Variants in TRAF5 observed in about 807,000 individuals in gnomAD.
TRAF5 encodes TNF receptor-associated factor 5.
TRAF5 carries 48 observed loss-of-function variants against 64.5 expected under a neutral mutation model. That is an observed-to-expected ratio of 0.74 (90% CI 0.59 to 0.95). TRAF5 has a LOEUF of 0.95. Among genes scored for constraint, TRAF5 ranks in the 40% least tolerant of loss-of-function variants. The pLI, the probability that TRAF5 is intolerant of heterozygous loss-of-function variation, is 0.00. For missense variants in TRAF5, 545 were observed against 662.8 expected (o/e 0.82, Z 1.95); for synonymous variants, 206 against 240.5 (o/e 0.86, Z 1.33).
chr1:211,331,971 A>G (rs574902389), intron 1 of TRAF5, among the ~76,000 whole-genome samples: 7 of 152,170 alleles, frequency 4.6e-5, no homozygotes, highest in African/African-American at 7.2e-5. Context: ...CTGGGCGAGT[A>G]GACCATCATT....
rs377497907 is a variant in TRAF5 at position 211,353,286 on chromosome 1, G to T, written c.47G>T (p.Arg16Leu). The part of the protein sequence containing the change: ...EHKGMPCGFI[R>L]QNSGNSISLD... ...AAAGGTATGCCCTGTGGTTTCATCC[G>T]CCAGAATTCCGGCAACTCCATTTCC... Residue 16 changes from arginine (R) to leucine (L), a missense_variant, in exon 2 of 11, where the codon CGC (arginine) becomes CTC (leucine). By Grantham distance (102) the Arg-to-Leu change is moderately radical (BLOSUM62 -2). Coordinates refer to ENST00000261464, the MANE Select transcript of TRAF5 (RefSeq NM_001033910.3). 3 of 1,614,092 alleles carry T rather than the reference G, an allele frequency of 1.9e-6. No individual in the cohort carries two copies. Among genetic ancestry groups the T allele is most frequent in the East Asian group, 2.2e-5 (1 of 44,900 alleles).
intron 4 of TRAF5, chr1:211,358,856 T>A (rs1703076770): frequency 6.7e-6 from 1 of 148,344 alleles, no homozygotes; most frequent in Non-Finnish European, 1.5e-5. Context: ...ATATTGTTTA[T>A]AATAAATACA....
At chr1:211,337,436 G>A (rs901769196) in intron 1 of TRAF5, among the ~76,000 whole-genome samples, 1 of 152,210 alleles carries the variant, frequency 6.6e-6, no homozygotes, top group African/African-American at 2.4e-5. Context: ...CACAGAGAAT[G>A]GAGAGGCAGA....
chr1:211,359,826 C>T (rs1703113935), intron 4 of TRAF5, 86 bp from the exon 5 acceptor site: 3 of 1,516,668 alleles, frequency 2.0e-6, no homozygotes, highest in African/African-American at 1.4e-5. Context: ...CCACCCTGTT[C>T]TCTCTCCCTC....
In TRAF5 at chr1:211,372,581, C is replaced by T. The variant is rs1253342033; in HGVS notation, c.1553C>T (p.Ala518Val). ...AGACCTGATGGGGAGATGAACATTG[C>T]ATCTGGCTGTCCCCGCTTTGTGGCT... is the stretch of plus-strand genomic sequence containing the variant. ...FKRPDGEMNIASGCPRFVAHS... is the reference protein window; with the variant it reads ...FKRPDGEMNIVSGCPRFVAHS... The change falls in exon 11 of 11, where the codon GCA becomes GTA. Residue 518 changes from alanine (A) to valine (V), a missense_variant. Ala to Val is a moderately conservative substitution (Grantham distance 64, BLOSUM62 0). Transcript: ENST00000261464. The T allele has an allele frequency of 1.2e-6, 2 of 1,614,174 alleles. No individual in the cohort carries two copies. Among genetic ancestry groups the T allele is most frequent in the South Asian group, 2.2e-5 (2 of 91,086 alleles).
intron 1 of TRAF5, among the ~76,000 whole-genome samples, chr1:211,349,696 A>G (rs1702724020): frequency 6.6e-6 from 1 of 152,218 alleles, no homozygotes; most frequent in African/African-American, 2.4e-5. Flanking sequence ...CACACAGATG[A>G]GTGCCATAGA....
chr1:211,357,500 C>T (rs1208239181), intron 4 of TRAF5: 1 of 152,134 alleles, frequency 6.6e-6, no homozygotes, highest in Non-Finnish European at 1.5e-5. Flanking sequence ...GACCATTGAA[C>T]AGCTTTAGTG....
chr1:211,354,741 T>C (rs535013612), intron 3 of TRAF5, among the ~76,000 whole-genome samples: 2 of 152,270 alleles, frequency 1.3e-5, no homozygotes, highest in South Asian at 4.1e-4. Context: ...TATATTTCAT[T>C]ATGGTTTTGA....
chr1:211,363,338 C>G (rs1035404921), intron 7 of TRAF5, among the ~76,000 whole-genome samples: 1 of 152,058 alleles, frequency 6.6e-6, no homozygotes, highest in Admixed American at 6.6e-5. Context: ...ATTAAAACAC[C>G]AACTATATAA....
Position 211,369,456 on chromosome 1 carries a change from C to T in TRAF5, c.794C>T (p.Ser265Phe). 6.3e-7 allele frequency: 1 copy of T among 1,577,184 alleles called. No homozygotes were observed. The highest frequency in any genetic ancestry group is 8.6e-7 in the Non-Finnish European group (1 of 1,168,258). Residue 265 changes from serine to phenylalanine, a missense_variant, in exon 9 of 11, where the codon TCT becomes TTT. Coordinates refer to ENST00000261464, the MANE Select transcript of TRAF5 (RefSeq NM_001033910.3). ...EKNVQLEEQISDLHKSLEQKE... is the reference protein window; with the variant it reads ...EKNVQLEEQIFDLHKSLEQKE... ...TCCTCACGTTCCTGTTATTAGATTT[C>T]TGACTTACACAAGAGCCTAGAACAG...
chr1:211,358,066 A>G (rs1368864133), intron 4 of TRAF5: 1 of 152,150 alleles, frequency 6.6e-6, no homozygotes, highest in Non-Finnish European at 1.5e-5. Context: ...TAGCTTGCCA[A>G]TTTTGTCTTA....
intron 1 of TRAF5, among the ~76,000 whole-genome samples, chr1:211,347,819 C>T (rs1702659161): frequency 6.6e-6 from 1 of 152,118 alleles, no homozygotes; most frequent in Admixed American, 6.6e-5. Flanking sequence ...TTAATGGACT[C>T]TTACTTCAGG....
In TRAF5 at chr1:211,365,434, T is replaced by C. The variant is rs780893475; in HGVS notation, c.755T>C (p.Leu252Ser). The part of the protein sequence containing the change: ...EHSALREHMR[L>S]VLEKNVQLEE... Reference sequence around the variant, plus strand: ...TCAGCCTTACGGGAGCACATGCGTTTGGTTTTAGAAAAGAATGTCCAATTA... The same window carrying C: ...TCAGCCTTACGGGAGCACATGCGTTCGGTTTTAGAAAAGAATGTCCAATTA... Residue 252 changes from leucine (L) to serine (S), a missense_variant, in exon 8 of 11, where the codon TTG becomes TCG. Transcript: ENST00000261464. 1.2e-6 allele frequency: 2 copies of C among 1,613,908 alleles called. No individual in the cohort carries two copies. Among genetic ancestry groups the C allele is most frequent in the Non-Finnish European group, 1.7e-6 (2 of 1,179,892 alleles).
chr1:211,353,487 A>G (rs1304483589), intron 2 of TRAF5, 30 bp downstream of exon 2: 18 of 1,592,976 alleles, frequency 1.1e-5, no homozygotes, highest in Non-Finnish European at 1.5e-5. Flanking sequence ...AACTCTGGCC[A>G]TGGCAGTCCT....
intron 1 of TRAF5, among the ~76,000 whole-genome samples, chr1:211,345,627 G>T (rs1702585614): frequency 6.6e-6 from 1 of 152,192 alleles, no homozygotes; most frequent in Non-Finnish European, 1.5e-5. Flanking sequence ...TGGGTTTGGG[G>T]AATAACATAT....
At chr1:211,334,180 G>A (rs1241341980) in intron 1 of TRAF5, among the ~76,000 whole-genome samples, 1 of 152,216 alleles carries the variant, frequency 6.6e-6, no homozygotes, top group Non-Finnish European at 1.5e-5. Flanking sequence ...TGCCGAGGGG[G>A]AATCACACAG....
rs1218419675 is a variant in TRAF5, at chr1:211,373,234, AT to A, written c.*534del. ...TCAGTTAAATGCTAAATATATGAAA[AT>A]TACTATACCTCTAAGTATTTTCATG... On this transcript the variant is annotated 3_prime_UTR_variant, in exon 11 of 11. Transcript: ENST00000261464. 2.0e-5 allele frequency: 3 copies of A among 152,384 alleles called. No homozygotes were observed. The highest frequency in any genetic ancestry group is 2.9e-5 in the Non-Finnish European group (2 of 68,194). 9.4% of individuals were successfully genotyped at this position (152,384 alleles called of 1,614,324 possible).
chr1:211,363,694 T>C (rs1703257432), intron 7 of TRAF5, among the ~76,000 whole-genome samples: 1 of 152,194 alleles, frequency 6.6e-6, no homozygotes, highest in Admixed American at 6.5e-5. Flanking sequence ...TTACCTTTCT[T>C]GTGCATGAGC....
At chr1:211,342,708 T>G (rs1702482116) in intron 1 of TRAF5, among the ~76,000 whole-genome samples, 1 of 152,188 alleles carries the variant, frequency 6.6e-6, no homozygotes, top group Admixed American at 6.5e-5. Context: ...TCTCCATAAG[T>G]TCAATTGTTT....
Sources: gnomAD v4.1 joint callset for allele counts (sites outside exome capture counted in the v4.1 genomes callset) on GRCh38, gnomAD v4.1.1 for gene constraint, MANE v1.5 for transcripts, NCBI Gene and HGNC (gene_info 2026-07-23, HGNC 2026-07-21) for gene names.